The following MICU3 variants were observed in gnomAD, a reference collection of about 807,000 sequenced individuals.
MICU3 encodes mitochondrial calcium uptake 3.
A neutral mutation model predicts 66.5 loss-of-function variants in MICU3; 62 were observed. That is an observed-to-expected ratio of 0.93 (90% CI 0.76 to 1.15). The LOEUF is 1.15. Among genes scored for constraint, MICU3 ranks in the 50% most tolerant of loss-of-function variants. The pLI is 0.00. For missense variants in MICU3, 779 were observed against 664.4 expected, an observed-to-expected ratio of 1.17 and a Z score of -1.90; for synonymous variants, 308 against 240.7, an observed-to-expected ratio of 1.28 and a Z score of -2.59.
intron 1 of MICU3, among the ~76,000 whole-genome samples, chr8:17,032,728 C>T (rs531141077): frequency 4.6e-5 from 7 of 152,290 alleles, no homozygotes; most frequent in African/African-American, 1.7e-4. Flanking sequence ...GCTTCATTTT[C>T]TTGTGCTTCA....
intron 14 of MICU3, among the ~76,000 whole-genome samples, chr8:17,119,665 A>G (rs1217067772): frequency 6.6e-6 from 1 of 152,158 alleles, no homozygotes; most frequent in African/African-American, 2.4e-5. Flanking sequence ...TCATAATAAA[A>G]CTGGTTAAAT....
intron 3 of MICU3, among the ~76,000 whole-genome samples, chr8:17,077,523 T>C (rs1354462149): frequency 6.6e-6 from 1 of 152,192 alleles, no homozygotes; most frequent in African/African-American, 2.4e-5. Context: ...ATGTATAACC[T>C]CCCGTTATTC....
intron 1 of MICU3, among the ~76,000 whole-genome samples, chr8:17,044,713 T>G (rs1814770210): frequency 6.6e-6 from 1 of 152,236 alleles, no homozygotes; most frequent in African/African-American, 2.4e-5. Context: ...TGCCTGTTTC[T>G]CCTTACAGTT....
intron 2 of MICU3, among the ~76,000 whole-genome samples, chr8:17,066,514 A>AATC (rs1554518312): frequency 2.3e-5 from 2 of 85,934 alleles, no homozygotes; most frequent in East Asian, 8.4e-4. Context: ...GATTGTTAAT[A>AATC]ATCTATATAT....
chr8:17,046,436 C>T (rs7813681), intron 1 of MICU3, among the ~76,000 whole-genome samples: 41,871 of 152,032 alleles, frequency 0.28, 6,643 homozygotes, highest in East Asian at 0.6. Flanking sequence ...CAAATACCTC[C>T]TTGATAAAGT....
chr8:17,098,307 C>A, intron 8 of MICU3, 151 bp from the exon 9 acceptor site: 1 of 690,632 alleles, frequency 1.4e-6, no homozygotes, highest in Non-Finnish European at 2.6e-6. Context: ...TAATACAATA[C>A]TGTGGTGCAC....
chr8:17,082,295 C>A (rs772494579), intron 5 of MICU3, among the ~76,000 whole-genome samples: 3 of 152,112 alleles, frequency 2.0e-5, no homozygotes, highest in Non-Finnish European at 4.4e-5. Flanking sequence ...CCTTGAATTG[C>A]CGCCTCAGGG....
chr8:17,097,905 C>A (rs1479299445), intron 8 of MICU3, among the ~76,000 whole-genome samples: 1 of 151,680 alleles, frequency 6.6e-6, no homozygotes, highest in Non-Finnish European at 1.5e-5. Context: ...AATAGAAACA[C>A]CTGCCAAATC....
chr8:17,094,903 C>T (rs1800505679), intron 8 of MICU3, among the ~76,000 whole-genome samples: 1 of 152,102 alleles, frequency 6.6e-6, no homozygotes, highest in Admixed American at 6.6e-5. Context: ...TTCTCCTTAA[C>T]AGTTTGCCGT....
intron 1 of MICU3, among the ~76,000 whole-genome samples, chr8:17,030,388 A>C (rs2150473175): frequency 6.6e-6 from 1 of 152,348 alleles, no homozygotes; most frequent in South Asian, 2.1e-4. Flanking sequence ...TATTAGTGTA[A>C]CATCCAAATG....
At chr8:17,099,296 A>G (rs1419513238) in intron 9 of MICU3, among the ~76,000 whole-genome samples, 3 of 151,818 alleles carry the variant, frequency 2.0e-5, no homozygotes, top group Non-Finnish European at 4.4e-5. Flanking sequence ...AGACTTTTCA[A>G]TAAATACTGA....
intron 10 of MICU3, 82 bp downstream of exon 10, chr8:17,104,573 A>T: frequency 3.3e-6 from 2 of 598,992 alleles, no homozygotes; most frequent in Non-Finnish European, 5.3e-6. Context: ...TAGTACAGCA[A>T]TACTCACCTC....
chr8:17,053,076 T>C (rs946793270), intron 1 of MICU3, among the ~76,000 whole-genome samples: 3 of 152,176 alleles, frequency 2.0e-5, no homozygotes, highest in Non-Finnish European at 4.4e-5. Context: ...AAATGTGTCT[T>C]AAAGAAACTA....
intron 1 of MICU3, among the ~76,000 whole-genome samples, chr8:17,048,617 T>C (rs1021982630): frequency 7.2e-5 from 11 of 152,268 alleles, no homozygotes; most frequent in South Asian, 4.1e-4. Context: ...CACTTCTTTA[T>C]TTCATTTTAT....
At chr8:17,095,273 G>A (rs1419059430) in intron 8 of MICU3, among the ~76,000 whole-genome samples, 5 of 151,788 alleles carry the variant, frequency 3.3e-5, no homozygotes, top group South Asian at 2.1e-4. Flanking sequence ...TACAATTGTT[G>A]GAAAGTCTCT....
chr8:17,044,669 C>T (rs534937132), intron 1 of MICU3, among the ~76,000 whole-genome samples: 34 of 152,330 alleles, frequency 2.2e-4, no homozygotes, highest in African/African-American at 7.9e-4. Flanking sequence ...CTCCTTTTCC[C>T]TTTCCACATG....
At chr8:17,032,163 A>T (rs1426744323) in intron 1 of MICU3, among the ~76,000 whole-genome samples, 3 of 152,230 alleles carry the variant, frequency 2.0e-5, no homozygotes, top group Non-Finnish European at 4.4e-5. Flanking sequence ...CGACTTCAGT[A>T]AAGGTCAAAA....
At chr8:17,124,953 A>G (rs116774749), downstream of MICU3, among the ~76,000 whole-genome samples, 470 of 152,160 alleles carry the variant, frequency 3.1e-3, 1 homozygote, top group African/African-American at 0.011. Flanking sequence ...TACCTTGATA[A>G]AAGTCTTTTG....
chr8:17,036,186 C>T (rs1003778367), intron 1 of MICU3, among the ~76,000 whole-genome samples: 9 of 151,992 alleles, frequency 5.9e-5, no homozygotes, highest in African/African-American at 1.4e-4. Context: ...CAGACCTTTG[C>T]GGTGAGTGTT....
Sources: allele counts gnomAD v4.1 joint callset (sites outside exome capture counted in the v4.1 genomes callset), GRCh38; gene constraint gnomAD v4.1.1; transcripts MANE v1.5; gene names NCBI Gene and HGNC (gene_info 2026-07-23, HGNC 2026-07-21).